Variants in NAALADL2 observed in about 807,000 individuals in gnomAD.
The protein encoded by NAALADL2 is inactive N-acetylated-alpha-linked acidic dipeptidase-like protein 2.
A neutral mutation model predicts 87.2 loss-of-function variants in NAALADL2; 76 were observed. The observed-to-expected ratio is 0.87, with a 90% CI of 0.72 to 1.05. NAALADL2 has a LOEUF of 1.05. Among genes scored for constraint, NAALADL2 ranks in the 50% least tolerant of loss-of-function variants. NAALADL2 has a pLI of 0.00. For missense variants in NAALADL2, 1,089 were observed against 945.8 expected, an observed-to-expected ratio of 1.15 and a Z score of -1.99; for synonymous variants, 354 against 331.0, an observed-to-expected ratio of 1.07 and a Z score of -0.75.
intron 5 of NAALADL2, among the ~76,000 whole-genome samples, chr3:175,351,851 G>A (rs893850348): frequency 6.6e-6 from 1 of 152,062 alleles, no homozygotes; most frequent in African/African-American, 2.4e-5. Context: ...CCATTTGGGG[G>A]TGGCGAATGT....
rs1309297298 is a variant in NAALADL2 at position 175,781,780 on chromosome 3, A to G, written c.2190-21225A>G. On this transcript the variant is annotated intron_variant, in intron 13 of 13. Coordinates refer to ENST00000454872, the MANE Select transcript of NAALADL2 (RefSeq NM_207015.3). ...CATTGTGCAGGTTAGTTACATATGT[A>G]TACATGTGCCATGCTGGTGTGCTGC... Among the ~76,000 whole-genome samples, 5 of 151,878 alleles carry G rather than the reference A, an allele frequency of 3.3e-5. No individual in the cohort carries two copies. In the East Asian group the frequency reaches 5.8e-4, roughly 18 times the overall value.
At chr3:174,985,399 C>A (rs1745717624) in intron 1 of NAALADL2, among the ~76,000 whole-genome samples, 1 of 152,220 alleles carries the variant, frequency 6.6e-6, no homozygotes, top group Non-Finnish European at 1.5e-5. Context: ...CAGAATTATT[C>A]TTTTCTCTAT....
chr3:175,770,599 G>A, intron 13 of NAALADL2, among the ~76,000 whole-genome samples: 1 of 152,142 alleles, frequency 6.6e-6, no homozygotes, highest in East Asian at 1.9e-4. Context: ...GAAATGGGAG[G>A]AAACATGGCC....
At chr3:175,744,530 A>G (rs1745666930) in intron 12 of NAALADL2, among the ~76,000 whole-genome samples, 1 of 152,252 alleles carries the variant, frequency 6.6e-6, no homozygotes, top group South Asian at 2.1e-4. Context: ...AAACAACATA[A>G]GCAAAAATAT....
intron 1 of NAALADL2, among the ~76,000 whole-genome samples, chr3:174,463,747 C>G (rs377742948): frequency 1.3e-5 from 2 of 151,766 alleles, no homozygotes; most frequent in Admixed American, 6.6e-5. Context: ...ACTACAGGCG[C>G]CCACCACCAC....
At chr3:175,121,842 T>G (rs1457435938) in intron 2 of NAALADL2, among the ~76,000 whole-genome samples, 19 of 151,802 alleles carry the variant, frequency 1.3e-4, no homozygotes, top group Non-Finnish European at 8.8e-5. Flanking sequence ...TTCCTTTTCT[T>G]TCTCAGAATA....
Position 174,716,641 on chromosome 3 carries a change from TA to T in NAALADL2, c.-114-20989del, listed in dbSNP as rs551378400. ...ACAAAAAAATATTCCAGGCTAAGAT[TA>T]AAAAAAAAAATAGACCCTGTCTCAG... On this transcript the variant is annotated intron_variant, in intron 2 of 3. Transcript: ENST00000434257. Among the ~76,000 whole-genome samples, 1,157 of 148,850 alleles carry T rather than the reference TA, an allele frequency of 7.8e-3. 5 individuals carry two copies. Among genetic ancestry groups the T allele is most frequent in the South Asian group, 0.031 (147 of 4,696 alleles).
intron 5 of NAALADL2, among the ~76,000 whole-genome samples, chr3:175,444,112 G>A (rs1311638622): frequency 6.6e-6 from 1 of 152,144 alleles, no homozygotes; most frequent in African/African-American, 2.4e-5. Flanking sequence ...GAAGTATAAG[G>A]TTTGGGATCA....
chr3:175,293,205 T>C (rs79759829), intron 4 of NAALADL2, among the ~76,000 whole-genome samples: 5,719 of 152,210 alleles, frequency 0.038, 377 homozygotes, highest in African/African-American at 0.13. Context: ...GTAGACAGGC[T>C]TTGCAGAAGC....
chr3:175,705,855 G>A (rs1436234561), intron 11 of NAALADL2, among the ~76,000 whole-genome samples: 1 of 152,054 alleles, frequency 6.6e-6, no homozygotes, highest in African/African-American at 2.4e-5. Context: ...TTGTGAATGG[G>A]CTCAACATTA....
chr3:175,580,771 C>T (rs774174970), intron 10 of NAALADL2, among the ~76,000 whole-genome samples: 9 of 151,970 alleles, frequency 5.9e-5, no homozygotes, highest in Non-Finnish European at 1.2e-4. Context: ...AAATTTCTTA[C>T]AATATGGTAT....
chr3:175,133,485 C>G (rs963776019), intron 2 of NAALADL2, among the ~76,000 whole-genome samples: 5 of 152,202 alleles, frequency 3.3e-5, no homozygotes, highest in Non-Finnish European at 7.3e-5. Context: ...CTTGGGATGC[C>G]GAGGCTGGCG....
intron 4 of NAALADL2, among the ~76,000 whole-genome samples, chr3:175,281,954 C>G (rs1159796441): frequency 1.3e-5 from 2 of 151,892 alleles, no homozygotes; most frequent in East Asian, 3.8e-4. Flanking sequence ...TAAAATTCAA[C>G]TGTTCTCATG....
At chr3:175,335,897 G>A (rs1244520052) in intron 5 of NAALADL2, among the ~76,000 whole-genome samples, 1 of 152,160 alleles carries the variant, frequency 6.6e-6, no homozygotes, top group African/African-American at 2.4e-5. Context: ...TAAATTAAAA[G>A]TGAGGCTTTG....
At chr3:175,697,809 T>TTATGTATGTATACATATATATGTG (rs1738084997) in intron 11 of NAALADL2, among the ~76,000 whole-genome samples, 1 of 137,412 alleles carries the variant, frequency 7.3e-6, no homozygotes, top group Non-Finnish European at 1.5e-5. Flanking sequence ...GTATATATAT[T>TTATGTATGTATACATATATATGTG]TATGTATGTA....
At chr3:174,758,929 T>C (rs1452497832) in intron 3 of NAALADL2, among the ~76,000 whole-genome samples, 1 of 152,208 alleles carries the variant, frequency 6.6e-6, no homozygotes, top group Non-Finnish European at 1.5e-5. Flanking sequence ...AGACTGTTTT[T>C]TAAATCTCTA....
At chr3:175,097,419 C>A in intron 2 of NAALADL2, 128 bp downstream of exon 2, 1 of 834,466 alleles carries the variant, frequency 1.2e-6, no homozygotes, top group Non-Finnish European at 1.9e-6. Context: ...ATCACCACAA[C>A]AAGAATAGAA....
chr3:174,509,218 G>A (rs1431827137), intron 1 of NAALADL2, among the ~76,000 whole-genome samples: 2 of 151,792 alleles, frequency 1.3e-5, no homozygotes, highest in African/African-American at 4.8e-5. Flanking sequence ...AAAGCATTCA[G>A]TGCTTTCAGT....
chr3:175,319,582 G>A (rs1384101399), intron 4 of NAALADL2, among the ~76,000 whole-genome samples: 2 of 152,164 alleles, frequency 1.3e-5, no homozygotes, highest in Non-Finnish European at 2.9e-5. Flanking sequence ...CCCTTCGGGA[G>A]GCCGAGTCGG....
Sources: gnomAD v4.1 joint callset for allele counts (sites outside exome capture counted in the v4.1 genomes callset) on GRCh38, gnomAD v4.1.1 for gene constraint, MANE v1.5 for transcripts, NCBI Gene and HGNC (gene_info 2026-07-23, HGNC 2026-07-21) for gene names.